CCDC33: variants seen among roughly 807,000 people sequenced by gnomAD.
CCDC33 encodes coiled-coil domain-containing protein 33.
In CCDC33, 94 loss-of-function variants were observed where a neutral mutation model predicts 91.9. The observed-to-expected ratio is 1.02, with a 90% confidence interval of 0.87 to 1.21. CCDC33 has a LOEUF of 1.21. Among genes scored for constraint, CCDC33 ranks in the 50% most tolerant of loss-of-function variants. CCDC33 has a pLI of 0.00. For synonymous variants in CCDC33, 396 were observed against 374.5 expected, an observed-to-expected ratio of 1.06 and a Z score of -0.66; for missense variants, 940 against 935.5, an observed-to-expected ratio of 1.00 and a Z score of -0.06.
At chr15:74,238,357 G>A (rs1433322032) in intron 1 of CCDC33, among the ~76,000 whole-genome samples, 2 of 148,608 alleles carry the variant, frequency 1.3e-5, no homozygotes, top group African/African-American at 2.5e-5. Flanking sequence ...GCAGTGAGCC[G>A]AGATAGCACC....
chr15:74,271,859 C>A (rs1312773438), intron 6 of CCDC33, 65 bp downstream of exon 6: 10 of 1,366,138 alleles, frequency 7.3e-6, no homozygotes, highest in Non-Finnish European at 1.0e-5. Flanking sequence ...GGGGGTGAGG[C>A]TGTCATTGCT....
At chr15:74,213,553 T>TTCAC (rs1224407944), upstream of CCDC33, 1 of 152,282 alleles carries the variant, frequency 6.6e-6, no homozygotes, top group Admixed American at 6.5e-5. Context: ...TTTCCTCCTA[T>TTCAC]TCACCTGCCT....
chr15:74,333,802 C>A, intron 16 of CCDC33, 79 bp from the exon 17 acceptor site: 1 of 1,209,950 alleles, frequency 8.3e-7, no homozygotes, highest in Non-Finnish European at 1.2e-6. Context: ...GTTTCTTCCT[C>A]AATACCTTAT....
intron 11 of CCDC33, among the ~76,000 whole-genome samples, chr15:74,315,203 C>G (rs553142692): frequency 5.9e-5 from 9 of 152,322 alleles, no homozygotes; most frequent in African/African-American, 2.2e-4. Flanking sequence ...GCTTCAAGCT[C>G]GAGTTGCGGG....
chr15:74,324,402 G>T (rs2060267235), intron 11 of CCDC33, among the ~76,000 whole-genome samples: 1 of 151,954 alleles, frequency 6.6e-6, no homozygotes, highest in African/African-American at 2.4e-5. Flanking sequence ...TTTTTATGAA[G>T]GTGAGTTTTG....
Position 74,332,784 on chromosome 15 carries a change from C to T in CCDC33, c.1877C>T (p.Thr626Met), listed in dbSNP as rs201882376. The T allele has an allele frequency of 5.4e-5, 87 of 1,614,072 alleles. 1 individual carries two copies. In the African/African-American group the frequency reaches 7.2e-4, roughly 13 times the overall value. Residue 626 changes from threonine to methionine, a missense_variant, in exon 16 of 19, where the codon ACG becomes ATG. Thr to Met is a moderately conservative substitution (Grantham distance 81). Coordinates refer to ENST00000398814, the MANE Select transcript of CCDC33 (RefSeq NM_025055.5). ...VLLAENAKLR[T>M]ELDKNRHQQA... The stretch of plus-strand genomic sequence containing the variant: ...CTGGCAGAAAACGCGAAGCTGCGGA[C>T]GGAGCTGGATAAGAACCGCCACCAG...
chr15:74,256,276 G>A (rs541130494), intron 2 of CCDC33, among the ~76,000 whole-genome samples: 5 of 152,286 alleles, frequency 3.3e-5, no homozygotes, highest in South Asian at 2.1e-4. Context: ...ACCTCAAAAC[G>A]TGGACTGAAC....
At chr15:74,213,229 A>T (rs1567206040), upstream of CCDC33, 1 of 151,394 alleles carries the variant, frequency 6.6e-6, no homozygotes, top group Non-Finnish European at 1.5e-5. Context: ...AAAAAAAAAA[A>T]ACAAAAAAAA....
At chr15:74,320,864 G>A (rs1253076036) in intron 11 of CCDC33, among the ~76,000 whole-genome samples, 1 of 152,176 alleles carries the variant, frequency 6.6e-6, no homozygotes, top group African/African-American at 2.4e-5. Context: ...GTTCCAGAGT[G>A]AATGGAGGGA....
chr15:74,298,901 C>A (rs572891432), intron 11 of CCDC33, among the ~76,000 whole-genome samples: 1 of 152,018 alleles, frequency 6.6e-6, no homozygotes, highest in South Asian at 2.1e-4. Context: ...TTAGTAGAGA[C>A]GGGCTTTCAC....
intron 1 of CCDC33, chr15:74,207,675 G>C (rs1292713965): frequency 6.5e-7 from 1 of 1,532,156 alleles, no homozygotes; most frequent in African/African-American, 1.4e-5. Flanking sequence ...TCCAGGAGTG[G>C]GGGGATGGCC....
chr15:74,282,758 C>A (rs1041083571), intron 10 of CCDC33, among the ~76,000 whole-genome samples: 5 of 152,204 alleles, frequency 3.3e-5, no homozygotes, highest in African/African-American at 1.2e-4. Flanking sequence ...CTAAGCCCTG[C>A]CTGCTGGATG....
chr15:74,222,762 C>T (rs1171301266), intron 2 of CCDC33, among the ~76,000 whole-genome samples: 3 of 151,160 alleles, frequency 2.0e-5, no homozygotes, highest in Admixed American at 1.3e-4. Flanking sequence ...CCTAGCGTCC[C>T]CTCGGCCACC....
At chr15:74,247,357 C>CATATATAT (rs745393579) in intron 2 of CCDC33, among the ~76,000 whole-genome samples, 5 of 137,834 alleles carry the variant, frequency 3.6e-5, no homozygotes, top group African/African-American at 1.3e-4. Flanking sequence ...GAAAAAATGT[C>CATATATAT]ATATATATAT....
chr15:74,293,928 A>G (rs1596050189), intron 10 of CCDC33, among the ~76,000 whole-genome samples: 1 of 152,368 alleles, frequency 6.6e-6, no homozygotes, highest in Non-Finnish European at 1.5e-5. Flanking sequence ...GGCCAGAAAC[A>G]TCTTCACATT....
chr15:74,270,299 A>G (rs567387921), intron 5 of CCDC33, among the ~76,000 whole-genome samples: 11 of 152,144 alleles, frequency 7.2e-5, no homozygotes, highest in Admixed American at 2.0e-4. Context: ...GCCAGCCACA[A>G]TGGGTTGGTG....
chr15:74,250,651 C>A (rs1439324629), intron 2 of CCDC33, among the ~76,000 whole-genome samples: 1 of 152,228 alleles, frequency 6.6e-6, no homozygotes, highest in Non-Finnish European at 1.5e-5. Context: ...CATCCCGCCT[C>A]CACTGTGCCC....
intron 11 of CCDC33, among the ~76,000 whole-genome samples, chr15:74,297,216 G>A (rs574708928): frequency 2.1e-4 from 32 of 152,276 alleles, no homozygotes; most frequent in African/African-American, 6.5e-4. Flanking sequence ...ATTTTCTCCC[G>A]TCACCTCTGG....
chr15:74,256,884 C>T (rs2075882420), intron 2 of CCDC33, among the ~76,000 whole-genome samples: 1 of 152,210 alleles, frequency 6.6e-6, no homozygotes, highest in Admixed American at 6.5e-5. Context: ...GAGGGGTACC[C>T]ACACTTTTGG....
Sources: gnomAD v4.1 joint callset for allele counts (sites outside exome capture counted in the v4.1 genomes callset) on GRCh38, gnomAD v4.1.1 for gene constraint, MANE v1.5 for transcripts, NCBI Gene and HGNC (gene_info 2026-07-23, HGNC 2026-07-21) for gene names.